KCNMA1: variants seen among roughly 807,000 people sequenced by gnomAD.
The protein encoded by KCNMA1 is Calcium-activated potassium channel subunit alpha-1.
Under a neutral mutation model 140.0 loss-of-function variants are expected in KCNMA1, and 29 were observed. The observed-to-expected ratio is 0.21, with a 90% confidence interval of 0.15 to 0.28. The LOEUF (loss-of-function observed/expected upper bound fraction) is 0.28, where lower values mean the gene tolerates loss of function less well. Among genes scored for constraint, KCNMA1 ranks in the 10% least tolerant of loss-of-function variants. The pLI, the probability that KCNMA1 is intolerant of heterozygous loss-of-function variation, is 1.00. For synonymous variants in KCNMA1, 612 were observed against 611.9 expected (o/e 1.00, Z 0.00); for missense variants, 880 against 1,602.2 (o/e 0.55, Z 7.70).
In KCNMA1 at chr10:77,111,226, G is replaced by A. The variant is rs546775960; in HGVS notation, c.961-883C>T. Among the ~76,000 whole-genome samples the A allele has an allele frequency of 4.6e-5, 7 of 152,274 alleles. No individual in the cohort carries two copies. The East Asian group carries it at 1.2e-3, about 25-fold the overall frequency. On this transcript the variant is annotated intron_variant, in intron 7 of 27. Transcript: ENST00000286628. ...ATACTCTCAGGAGAGAGGGAGCTGC[G>A]GGCCCAATTTTACTCAAATATGCCT...
chr10:77,252,542 T>C (rs926979759), intron 2 of KCNMA1, among the ~76,000 whole-genome samples: 2 of 151,736 alleles, frequency 1.3e-5, no homozygotes, highest in Non-Finnish European at 2.9e-5. Flanking sequence ...TGTGTGTGTG[T>C]GTGTGTGTGT....
At chr10:77,536,178 C>A (rs2058840621) in intron 1 of KCNMA1, among the ~76,000 whole-genome samples, 1 of 152,150 alleles carries the variant, frequency 6.6e-6, no homozygotes, top group Non-Finnish European at 1.5e-5. Context: ...TATTATGTAT[C>A]CATAAAAATT....
At position 77,171,400 on chromosome 10, in the gene KCNMA1, C is replaced by CGTGTGTGTGTGTGT. The variant is rs60927086; in HGVS notation, c.808+12007_808+12020dup. Among the ~76,000 whole-genome samples, 158 of 129,026 alleles carry CGTGTGTGTGTGTGT rather than the reference C, an allele frequency of 1.2e-3. 1 individual carries two copies. The highest frequency in any genetic ancestry group is 2.9e-3 in the African/African-American group (110 of 38,462). 84.6% of individuals were successfully genotyped at this position (129,026 alleles called of 152,430 possible). ...AAGTACGTGTGCGTGTGTGTGTGTGCGTGTGTGTGTGTGTGTGTGTGTGTG... is the reference window on the plus strand; with the variant it reads ...AAGTACGTGTGCGTGTGTGTGTGTGCGTGTGTGTGTGTGTGTGTGTGTGTGTGTGTGTGTGTGTG... On this transcript the variant is annotated intron_variant, in intron 5 of 27. Transcript: ENST00000286628.
At chr10:77,315,833 T>A (rs563194347) in intron 2 of KCNMA1, 49 of 152,238 alleles carry the variant, frequency 3.2e-4, no homozygotes, top group African/African-American at 1.1e-3. Flanking sequence ...ATAAACTGCA[T>A]CAAGTAAAAG....
chr10:77,493,111 C>A (rs2154541884), intron 1 of KCNMA1, among the ~76,000 whole-genome samples: 1 of 152,330 alleles, frequency 6.6e-6, no homozygotes, highest in East Asian at 1.9e-4. Context: ...CAGTTCCTGG[C>A]ACTAGGTTGA....
intron 3 of KCNMA1, among the ~76,000 whole-genome samples, chr10:77,241,114 T>G (rs2057148987): frequency 6.6e-6 from 1 of 152,160 alleles, no homozygotes; most frequent in Non-Finnish European, 1.5e-5. Flanking sequence ...TTTGAAACAA[T>G]TAGACCACAT....
intron 1 of KCNMA1, among the ~76,000 whole-genome samples, chr10:77,511,277 A>G (rs551914300): frequency 6.6e-6 from 1 of 152,348 alleles, no homozygotes; most frequent in South Asian, 2.1e-4. Flanking sequence ...ACTGATGCAG[A>G]CAGTCAAAAA....
chr10:76,968,002 T>C (rs979910298), intron 20 of KCNMA1, among the ~76,000 whole-genome samples: 4 of 152,146 alleles, frequency 2.6e-5, no homozygotes, highest in African/African-American at 9.7e-5. Flanking sequence ...TCATTACTTA[T>C]TTACAAAGGC....
intron 1 of KCNMA1, among the ~76,000 whole-genome samples, chr10:77,610,968 TGG>T (rs1293472031): frequency 1.3e-5 from 2 of 152,270 alleles, no homozygotes; most frequent in African/African-American, 4.8e-5. Context: ...GCTCAATTCC[TGG>T]CTTAAGCCAT....
At chr10:77,023,430 C>G (rs1193764514) in intron 16 of KCNMA1, among the ~76,000 whole-genome samples, 1 of 152,134 alleles carries the variant, frequency 6.6e-6, no homozygotes, top group Non-Finnish European at 1.5e-5. Context: ...AATAGCATGA[C>G]TTATATGAGA....
chr10:77,339,751 T>C lies in KCNMA1; in HGVS notation c.540+64111A>G, dbSNP rs925915676. 1.1e-4 allele frequency among the ~76,000 whole-genome samples: 16 copies of C among 152,226 alleles called. No homozygotes were observed. In the East Asian group the frequency reaches 3.1e-3, roughly 29 times the overall value. On this transcript the variant is annotated intron_variant, in intron 2 of 27. Transcript: ENST00000286628. ...AAGATGGAAAGCTGAATAATCACCT[T>C]CCAGCCTCCCTTGCAGCTATAGGTG...
At chr10:76,983,765 CAT>C (rs2080312727) in intron 19 of KCNMA1, among the ~76,000 whole-genome samples, 1 of 147,956 alleles carries the variant, frequency 6.8e-6, no homozygotes, top group Non-Finnish European at 1.5e-5. Context: ...TAATGAAAAA[CAT>C]AAACAAATAA....
intron 1 of KCNMA1, among the ~76,000 whole-genome samples, chr10:77,602,550 G>C (rs1309429850): frequency 6.6e-6 from 1 of 152,218 alleles, no homozygotes; most frequent in Non-Finnish European, 1.5e-5. Context: ...TATAGCATGT[G>C]AGTGATACCT....
chr10:77,236,517 C>G (rs1267118580), intron 3 of KCNMA1, among the ~76,000 whole-genome samples: 3 of 152,182 alleles, frequency 2.0e-5, no homozygotes, highest in Non-Finnish European at 4.4e-5. Flanking sequence ...GGACCCAACT[C>G]TAGCCTGCCA....
chr10:76,899,087 C>T (rs2043912611), intron 25 of KCNMA1, among the ~76,000 whole-genome samples: 2 of 151,946 alleles, frequency 1.3e-5, no homozygotes, highest in Non-Finnish European at 2.9e-5. Context: ...GAATAAGAAT[C>T]GCTACTGTTT....
rs375338192 is a variant in KCNMA1, at chr10:77,436,944, A to G, written c.379-32921T>C. Among the ~76,000 whole-genome samples the G allele has an allele frequency of 1.8e-4, 26 of 143,134 alleles. No individual in the cohort carries two copies. The East Asian group carries it at 4.7e-3, about 26-fold the overall frequency. The allele number at this position is 143,134 out of a possible 152,430, so 93.9% of individuals were successfully genotyped here. On this transcript the variant is annotated intron_variant, in intron 1 of 27. Transcript: ENST00000286628. ...TTGGTGCCTAAAGTCCTACTATTCC[A>G]GTCTTCTTTCTTTACACACACACAC...
chr10:77,272,519 C>G (rs1296440862), intron 2 of KCNMA1, among the ~76,000 whole-genome samples: 2 of 152,050 alleles, frequency 1.3e-5, no homozygotes, highest in Non-Finnish European at 2.9e-5. Flanking sequence ...CTCTTGCATC[C>G]TCAATGAATA....
At chr10:77,354,383 G>A (rs1430760322) in intron 2 of KCNMA1, 3 of 152,218 alleles carry the variant, frequency 2.0e-5, no homozygotes, top group Admixed American at 6.5e-5. Flanking sequence ...CTGGCTAATG[G>A]CTTTGGATAT....
intron 5 of KCNMA1, among the ~76,000 whole-genome samples, chr10:77,169,229 C>CCA (rs1280046018): frequency 2.0e-5 from 3 of 152,022 alleles, no homozygotes; most frequent in Non-Finnish European, 4.4e-5. Context: ...TGGAACATAT[C>CCA]TGAGATTGGG....
Sources: allele counts gnomAD v4.1 joint callset (sites outside exome capture counted in the v4.1 genomes callset), GRCh38; gene constraint gnomAD v4.1.1; transcripts MANE v1.5; gene names NCBI Gene and HGNC (gene_info 2026-07-23, HGNC 2026-07-21).